Variants in MATR3 observed in about 807,000 individuals in gnomAD.
The protein encoded by MATR3 is matrin 3.
In MATR3, 4 loss-of-function variants were observed where a neutral mutation model predicts 85.5. That is an observed-to-expected ratio of 0.05 (90% confidence interval 0.02 to 0.11). The LOEUF (loss-of-function observed/expected upper bound fraction) is 0.11. Among genes scored for constraint, MATR3 ranks in the 10% least tolerant of loss-of-function variants. The pLI is 1.00. For missense variants in MATR3, 685 were observed against 1,016.1 expected, an observed-to-expected ratio of 0.67 and a Z score of 4.43; for synonymous variants, 336 against 343.1, an observed-to-expected ratio of 0.98 and a Z score of 0.23.
chr5:139,328,294 G>T (rs183548272), intron 14 of MATR3, among the ~76,000 whole-genome samples: 10 of 151,764 alleles, frequency 6.6e-5, no homozygotes, highest in Admixed American at 2.0e-4. Flanking sequence ...ATTTTTTGTT[G>T]TTGTTGTTTT....
At chr5:139,281,373 T>G (rs904646360) in intron 3 of MATR3, among the ~76,000 whole-genome samples, 4 of 147,884 alleles carry the variant, frequency 2.7e-5, no homozygotes, top group Admixed American at 6.7e-5. Context: ...TTTTTTTTTT[T>G]GCTCTGTTGC....
intron 2 of MATR3, chr5:139,276,332 A>G (rs1304279234): frequency 2.4e-6 from 1 of 413,986 alleles, no homozygotes; most frequent in African/African-American, 2.0e-5. Flanking sequence ...TTGCTTATCC[A>G]TTAAGGCAGG....
intron 1 of MATR3, chr5:139,294,567 T>A (rs890112947): frequency 3.9e-5 from 6 of 152,130 alleles, no homozygotes; most frequent in African/African-American, 1.4e-4. Context: ...ACGTTAACGC[T>A]TGTTTTTCGT....
rs75110530 is a variant in MATR3 at position 139,300,525 on chromosome 5, A to C, written c.-177-6714A>C. On this transcript the variant is annotated intron_variant, in intron 1 of 14. Transcript: ENST00000394805. The stretch of plus-strand genomic sequence containing the variant: ...TTTGGATCTCAGTCCTTTTGCCTCT[A>C]AAAGTTTTTCTCATCTAAAAATAAA... Among the ~76,000 whole-genome samples the C allele has an allele frequency of 6.9e-3, 1,056 of 152,316 alleles. 5 individuals are homozygous for C. Among genetic ancestry groups the C allele is most frequent in the Non-Finnish European group, 0.011 (776 of 68,026 alleles).
At chr5:139,299,875 C>T (rs1306612594) in intron 1 of MATR3, 2 of 152,156 alleles carry the variant, frequency 1.3e-5, no homozygotes, top group Non-Finnish European at 2.9e-5. Flanking sequence ...CCACCCTAAA[C>T]GCACCTGATT....
At position 139,329,347 on chromosome 5, in the gene MATR3, A is replaced by G; in HGVS notation, c.2496A>G (p.Lys832=). The G allele has an allele frequency of 1.2e-6, 2 of 1,610,466 alleles. No homozygotes were observed. Among genetic ancestry groups the G allele is most frequent in the Non-Finnish European group, 1.7e-6 (2 of 1,177,074 alleles). The change falls in exon 15 of 15, where the codon AAA becomes AAG. Residue 832 remains lysine (K), a splice_region_variant and synonymous_variant. Transcript: ENST00000394805. ...GCTGTAATTCTCTTTCTTTATAGAA[A>G]TTTCTGAATAAATTGGCAGAAGAAC... The part of the protein sequence containing the change: ...SSLPHYQKLK[K]FLNKLAEERR...
chr5:139,317,943 ATAC>A (rs1316348693), intron 7 of MATR3, among the ~76,000 whole-genome samples: 2 of 152,200 alleles, frequency 1.3e-5, no homozygotes, highest in African/African-American at 4.8e-5. Flanking sequence ...AATTGTCATT[ATAC>A]TACTATAAAA....
At chr5:139,274,815 G>A (rs895516949) in intron 1 of MATR3, among the ~76,000 whole-genome samples, 21 of 151,706 alleles carry the variant, frequency 1.4e-4, no homozygotes, top group African/African-American at 5.1e-4. Context: ...CACGCCTGAA[G>A]TCGGGAGGCT....
chr5:139,326,366 T>C, intron 14 of MATR3, 82 bp downstream of exon 14: 1 of 1,347,928 alleles, frequency 7.4e-7, no homozygotes, highest in Non-Finnish European at 1.1e-6. Flanking sequence ...AAAATGTGTA[T>C]AGTGTTCTCT....
At chr5:139,294,116 G>A in intron 1 of MATR3, 6 of 1,190,270 alleles carry the variant, frequency 5.0e-6, no homozygotes, top group Non-Finnish European at 6.4e-6. Context: ...CTGACCGGCC[G>A]AGCTTCCTGC....
intron 3 of MATR3, chr5:139,279,233 C>CT (rs1017481093): frequency 1.8e-5 from 8 of 444,756 alleles, no homozygotes; most frequent in Admixed American, 4.8e-5. Flanking sequence ...GAGTATCAGA[C>CT]TTTTTTTTGG....
At chr5:139,324,419 T>G (rs1379779577) in intron 12 of MATR3, among the ~76,000 whole-genome samples, 1 of 151,292 alleles carries the variant, frequency 6.6e-6, no homozygotes, top group Non-Finnish European at 1.5e-5. Context: ...GCCTCCCAAG[T>G]AGCTGGGATT....
exon 3 of MATR3, chr5:139,279,117 C>T (rs182932144): frequency 2.2e-6 from 1 of 454,682 alleles, no homozygotes; most frequent in Admixed American, 2.3e-5. Context: ...TGTGTGACAC[C>T]AAGATAAGTA....
intron 9 of MATR3, 28 bp downstream of exon 9, chr5:139,319,529 A>G (rs777124885): frequency 1.3e-6 from 2 of 1,578,502 alleles, no homozygotes; most frequent in East Asian, 2.2e-5. Context: ...GTTTTAGAGA[A>G]GATAATTTAT....
At chr5:139,327,128 GAAACTT>G (rs1259036081) in intron 14 of MATR3, among the ~76,000 whole-genome samples, 1 of 152,128 alleles carries the variant, frequency 6.6e-6, no homozygotes, top group Non-Finnish European at 1.5e-5. Flanking sequence ...AATAGTGACT[GAAACTT>G]AAAAGTAGTT....
upstream of MATR3, among the ~76,000 whole-genome samples, chr5:139,289,123 A>G (rs1231111890): frequency 6.6e-6 from 1 of 152,218 alleles, no homozygotes; most frequent in East Asian, 1.9e-4. Flanking sequence ...AATCCTACCA[A>G]ATTCCTTTTC....
At chr5:139,280,796 T>G (rs1217569871) in intron 3 of MATR3, 2 of 151,960 alleles carry the variant, frequency 1.3e-5, no homozygotes, top group Non-Finnish European at 2.9e-5. Flanking sequence ...GCTATCCATG[T>G]GCAGAGACGT....
rs1214279444 is a variant in MATR3, at chr5:139,330,948, A to T, written c.*1553A>T. ...TGGGACTACAGGCTCATGCCACTAT[A>T]CCTGGCTAGTTTTTGGTTTTTTTGT... On this transcript the variant is annotated 3_prime_UTR_variant, in exon 15 of 15. Transcript: ENST00000394805. 2.2e-6 allele frequency: 1 copy of T among 453,972 alleles called. No homozygotes were observed. The highest frequency in any genetic ancestry group is 4.4e-6 in the Non-Finnish European group (1 of 226,776). 28.1% of individuals were successfully genotyped at this position (453,972 alleles called of 1,614,324 possible). A position where few individuals can be genotyped will look rare whatever the true frequency, so the allele number is the denominator to read the frequency against.
At chr5:139,279,339 C>T (rs1581197904) in intron 3 of MATR3, 2 of 341,874 alleles carry the variant, frequency 5.9e-6, no homozygotes, top group East Asian at 1.5e-4. Flanking sequence ...AGCGATTCTC[C>T]TGCCTCAGCC....
Sources: gnomAD v4.1 joint callset for allele counts (sites outside exome capture counted in the v4.1 genomes callset) on GRCh38, gnomAD v4.1.1 for gene constraint, MANE v1.5 for transcripts, NCBI Gene and HGNC (gene_info 2026-07-23, HGNC 2026-07-21) for gene names.